The following CAMK4 variants were observed in gnomAD, a reference collection of about 807,000 sequenced individuals.
CAMK4 encodes the protein calcium/calmodulin-dependent protein kinase type IV.
Under a neutral mutation model 44.9 loss-of-function variants are expected in CAMK4, and 22 were observed. The ratio of observed to expected loss-of-function variants is 0.49; its 90% CI spans 0.35 to 0.70. CAMK4 has a LOEUF of 0.70. Ranked by LOEUF, CAMK4 falls within the 30% of genes least tolerant of loss-of-function variation. CAMK4 has a pLI of 0.01. For synonymous variants in CAMK4, 218 were observed against 215.4 expected (o/e 1.01, Z -0.11); for missense variants, 498 against 586.8 (o/e 0.85, Z 1.56).
chr5:111,422,476 A>G (rs985272586), intron 5 of CAMK4, among the ~76,000 whole-genome samples: 2 of 152,222 alleles, frequency 1.3e-5, no homozygotes, highest in Admixed American at 6.5e-5. Context: ...CTTAACCACA[A>G]CAGGTAGGTA....
Position 111,407,082 on chromosome 5 carries a change from G to A in CAMK4, c.459+12300G>A, listed in dbSNP as rs377533928. Among the ~76,000 whole-genome samples the A allele has an allele frequency of 3.9e-5, 6 of 152,260 alleles. No homozygotes were observed. In the South Asian group the frequency reaches 6.2e-4, roughly 16 times the overall value. On this transcript the variant is annotated intron_variant, in intron 5 of 10. Coordinates refer to ENST00000282356, the MANE Select transcript of CAMK4 (RefSeq NM_001744.6). The stretch of plus-strand genomic sequence containing the variant: ...GAAAGAAAAACACAAGGCCGGGTGC[G>A]ATGGCTCATGCCTGTAATCCCAGCA...
rs1455069265 is a variant in CAMK4 at position 111,482,991 on chromosome 5, C to T, written c.981+54C>T. 4.2e-6 allele frequency: 6 copies of T among 1,424,620 alleles called. No individual in the cohort carries two copies. Among genetic ancestry groups the T allele is most frequent in the Non-Finnish European group, 5.7e-6 (6 of 1,048,546 alleles). The allele number at this position is 1,424,620 out of a possible 1,614,324, so 88.2% of individuals were successfully genotyped here. A position where few individuals can be genotyped will look rare whatever the true frequency, so the allele number is the denominator to read the frequency against. On this transcript the variant is annotated intron_variant, in intron 10 of 10. Coordinates refer to ENST00000282356, the MANE Select transcript of CAMK4 (RefSeq NM_001744.6). The surrounding 1 kb of genome is among the most constrained non-coding windows in gnomAD (Gnocchi z 4.9). ...TGTTTTGTTTTCAAAAAATTTATCTCATCTTGATCTATCAATAATAGTTCT... is the reference window on the plus strand; with the variant it reads ...TGTTTTGTTTTCAAAAAATTTATCTTATCTTGATCTATCAATAATAGTTCT...
chr5:111,434,461 A>G (rs1412263500), intron 5 of CAMK4, among the ~76,000 whole-genome samples: 1 of 152,220 alleles, frequency 6.6e-6, no homozygotes, highest in Non-Finnish European at 1.5e-5. Flanking sequence ...ACTCCAAAAC[A>G]AGTAAGAATG....
chr5:111,363,269 A>G (rs1265327664), intron 2 of CAMK4, among the ~76,000 whole-genome samples: 1 of 152,088 alleles, frequency 6.6e-6, no homozygotes, highest in Non-Finnish European at 1.5e-5. Context: ...ATGTAGACTT[A>G]AGTGGCAGGA....
At chr5:111,241,647 G>C (rs1377536407) in intron 1 of CAMK4, among the ~76,000 whole-genome samples, 1 of 152,034 alleles carries the variant, frequency 6.6e-6, no homozygotes, top group Non-Finnish European at 1.5e-5. Flanking sequence ...ATTGCTTATC[G>C]TTCTGTAAGG....
intron 1 of CAMK4, among the ~76,000 whole-genome samples, chr5:111,252,198 G>A (rs1326141190): frequency 6.6e-6 from 1 of 152,156 alleles, no homozygotes; most frequent in African/African-American, 2.4e-5. Flanking sequence ...AGTTGGAGAA[G>A]TATTTTAAAC....
At chr5:111,238,127 C>T (rs1338834922) in intron 1 of CAMK4, among the ~76,000 whole-genome samples, 1 of 152,122 alleles carries the variant, frequency 6.6e-6, no homozygotes, top group Admixed American at 6.5e-5. Flanking sequence ...CACTCCTTAC[C>T]AGCTTTACTT....
chr5:111,226,145 C>T (rs762668720), intron 1 of CAMK4, among the ~76,000 whole-genome samples: 4 of 152,184 alleles, frequency 2.6e-5, no homozygotes, highest in Non-Finnish European at 5.9e-5. Flanking sequence ...CCCAGTAGCA[C>T]ATCTGTTTTC....
At chr5:111,294,071 T>A (rs1747389555) in intron 1 of CAMK4, among the ~76,000 whole-genome samples, 1 of 152,184 alleles carries the variant, frequency 6.6e-6, no homozygotes, top group Non-Finnish European at 1.5e-5. Flanking sequence ...TGACTTGCTT[T>A]CATGAAAATT....
chr5:111,244,940 CTCTT>C (rs1157262181), intron 1 of CAMK4, among the ~76,000 whole-genome samples: 4 of 152,170 alleles, frequency 2.6e-5, no homozygotes, highest in South Asian at 2.1e-4. Context: ...AACTTTCTGA[CTCTT>C]TCTAACTCCA....
intron 2 of CAMK4, among the ~76,000 whole-genome samples, chr5:111,350,968 T>C (rs1267211781): frequency 1.3e-5 from 2 of 152,092 alleles, no homozygotes; most frequent in Non-Finnish European, 2.9e-5. Context: ...AATTTCTTGG[T>C]AGATGAATCT....
chr5:111,310,347 A>G (rs1034186953), intron 1 of CAMK4, among the ~76,000 whole-genome samples: 2 of 152,246 alleles, frequency 1.3e-5, no homozygotes, highest in African/African-American at 4.8e-5. Flanking sequence ...TTCAATAAAG[A>G]TAAATGATAT....
At position 111,352,660 on chromosome 5, in the gene CAMK4, A is replaced by AGG. The variant is rs1750162043; in HGVS notation, c.240+8559_240+8560insGG. 2.2e-5 allele frequency among the ~76,000 whole-genome samples: 3 copies of AGG among 137,828 alleles called. No homozygotes were observed. The South Asian group carries it at 8.3e-4, about 38-fold the overall frequency. The allele number at this position is 137,828 out of a possible 152,430, so 90.4% of individuals were successfully genotyped here. ...AGCAGAGAGAGAGAGAGAGAGAGAG[A>AGG]GAGGGAGAGGGAGGGAGGGAAGGGG... On this transcript the variant is annotated intron_variant, in intron 2 of 10. Coordinates refer to ENST00000282356, the MANE Select transcript of CAMK4 (RefSeq NM_001744.6).
intron 2 of CAMK4, among the ~76,000 whole-genome samples, chr5:111,351,787 AG>A (rs1421332019): frequency 6.6e-6 from 1 of 152,096 alleles, no homozygotes. Flanking sequence ...TTTGTGAGGT[AG>A]GTGCTATCAT....
intron 5 of CAMK4, among the ~76,000 whole-genome samples, chr5:111,422,617 A>G (rs1031678736): frequency 2.6e-5 from 4 of 152,214 alleles, no homozygotes; most frequent in Admixed American, 6.5e-5. Flanking sequence ...ATCAAAGCAG[A>G]TGGAACATTT....
At chr5:111,464,869 A>G (rs921490964) in intron 7 of CAMK4, among the ~76,000 whole-genome samples, 2 of 152,232 alleles carry the variant, frequency 1.3e-5, no homozygotes, top group African/African-American at 4.8e-5. Flanking sequence ...CACACTATGT[A>G]TCTAATGGGT....
chr5:111,459,705 T>A (rs1754568379), intron 7 of CAMK4, among the ~76,000 whole-genome samples: 1 of 142,174 alleles, frequency 7.0e-6, no homozygotes, highest in Non-Finnish European at 1.5e-5. Flanking sequence ...TTTTTTTTTT[T>A]TTTTTTTGAG....
chr5:111,394,654 T>C, intron 4 of CAMK4, 56 bp from the exon 5 acceptor site: 1 of 1,112,814 alleles, frequency 9.0e-7, no homozygotes, highest in East Asian at 2.5e-5. Flanking sequence ...CTTCTTTTAA[T>C]ATCCATTCTT....
chr5:111,467,934 TCACACACACA>T (rs60254627), intron 7 of CAMK4, among the ~76,000 whole-genome samples: 145 of 143,450 alleles, frequency 1.0e-3, no homozygotes, highest in South Asian at 3.8e-3. Flanking sequence ...AAAGAAATTG[TCACACACACA>T]CACACACACA....
Sources: allele counts gnomAD v4.1 joint callset (sites outside exome capture counted in the v4.1 genomes callset), GRCh38; gene constraint gnomAD v4.1.1; non-coding constraint Gnocchi (gnomAD v3.1); transcripts MANE v1.5; gene names NCBI Gene and HGNC (gene_info 2026-07-23, HGNC 2026-07-21).